The following WDR59 variants were observed in gnomAD, a reference collection of about 807,000 sequenced individuals.
WDR59 encodes the protein GATOR2 complex protein WDR59.
WDR59 carries 100 observed loss-of-function variants against 131.2 expected under a neutral mutation model. The observed-to-expected ratio is 0.76, with a 90% CI of 0.65 to 0.90. The LOEUF (loss-of-function observed/expected upper bound fraction) is 0.90. Ranked by LOEUF, WDR59 falls within the 40% of genes least tolerant of loss-of-function variation. The pLI is 0.00. For missense variants in WDR59, 1,203 were observed against 1,262.2 expected (o/e 0.95, Z 0.71); for synonymous variants, 601 against 466.2 (o/e 1.29, Z -3.72).
intron 1 of WDR59, among the ~76,000 whole-genome samples, chr16:74,966,833 C>T (rs77720284): frequency 0.015 from 2,336 of 152,274 alleles, 54 homozygotes; most frequent in African/African-American, 0.053. Flanking sequence ...ACTATCACAT[C>T]GTTTCAGGAG....
intron 1 of WDR59, among the ~76,000 whole-genome samples, chr16:74,983,055 A>C (rs756521452): frequency 7.9e-5 from 12 of 152,222 alleles, no homozygotes; most frequent in Non-Finnish European, 1.5e-4. Flanking sequence ...AATAAATGAA[A>C]AGAATGGCCA....
chr16:74,971,547 C>A (rs964357165), intron 1 of WDR59, among the ~76,000 whole-genome samples: 1 of 151,408 alleles, frequency 6.6e-6, no homozygotes, highest in Non-Finnish European at 1.5e-5. Context: ...ATTCTCCCGC[C>A]TCAGCCTCCT....
chr16:74,888,025 C>T (rs1027052101), intron 22 of WDR59, 144 bp downstream of exon 22: 12 of 1,096,536 alleles, frequency 1.1e-5, no homozygotes, highest in South Asian at 3.4e-5. Context: ...GGCTGAGGCA[C>T]GAGAATTGCT....
chr16:74,938,288 T>C lies in WDR59; in HGVS notation c.535-22A>G, dbSNP rs773503547. 4 of 1,430,886 alleles carry C rather than the reference T, an allele frequency of 2.8e-6. No homozygotes were observed. In the African/African-American group the frequency reaches 4.4e-5, roughly 16 times the overall value. The allele number at this position is 1,430,886 out of a possible 1,614,324, so 88.6% of individuals were successfully genotyped here. ...GTTTCTGCAACAGATCAGCACCTAA[T>C]ATTATCGATTTAGAAAGAACTCTTT... is the stretch of plus-strand genomic sequence containing the variant. On this transcript the variant is annotated intron_variant, in intron 7 of 25. Transcript: ENST00000262144.
chr16:74,953,918 C>G (rs1160098923), intron 3 of WDR59, among the ~76,000 whole-genome samples: 7 of 151,304 alleles, frequency 4.6e-5, no homozygotes, highest in Non-Finnish European at 1.0e-4. Flanking sequence ...AGGAGAATGG[C>G]GTGAACCCGG....
intron 3 of WDR59, among the ~76,000 whole-genome samples, chr16:74,953,696 C>G (rs1303140825): frequency 6.6e-6 from 1 of 151,892 alleles, no homozygotes; most frequent in South Asian, 2.1e-4. Context: ...GCAAACAACC[C>G]AATTCGAAAA....
intron 25 of WDR59, among the ~76,000 whole-genome samples, chr16:74,878,615 C>T (rs1964330373): frequency 6.6e-6 from 1 of 152,150 alleles, no homozygotes; most frequent in Non-Finnish European, 1.5e-5. Context: ...CTCTGCACTC[C>T]AGCCTGGGTG....
intron 13 of WDR59, among the ~76,000 whole-genome samples, chr16:74,913,194 A>G (rs568545192): frequency 1.3e-5 from 2 of 152,050 alleles, no homozygotes; most frequent in South Asian, 4.2e-4. Flanking sequence ...TCTGCAGACT[A>G]CACAAAGACA....
chr16:74,893,218 A>G (rs1965126348), intron 19 of WDR59, among the ~76,000 whole-genome samples: 1 of 152,210 alleles, frequency 6.6e-6, no homozygotes, highest in African/African-American at 2.4e-5. Context: ...TCACCTACAG[A>G]GAGACTATCC....
At chr16:74,881,242 A>C (rs5001475) in intron 25 of WDR59, among the ~76,000 whole-genome samples, 2,654 of 152,346 alleles carry the variant, frequency 0.017, 57 homozygotes, top group African/African-American at 0.057. Flanking sequence ...ATTTGCTATG[A>C]TGAAGTCTGT....
intron 18 of WDR59, 65 bp downstream of exon 18, chr16:74,903,882 A>C: frequency 1.3e-6 from 2 of 1,534,860 alleles, no homozygotes; most frequent in Non-Finnish European, 1.8e-6. Context: ...TGCGCCAGGC[A>C]GGAGATGAGG....
Position 74,874,340 on chromosome 16 carries a change from G to A in WDR59, c.2794C>T (p.Arg932Trp), listed in dbSNP as rs762127264. Residue 932 changes from arginine to tryptophan, a missense_variant, in exon 26 of 26, where the codon CGG becomes TGG. Transcript: ENST00000262144. Reference protein sequence around the residue: ...FQCAICHVAVRGSSNFCLTCG... With the variant: ...FQCAICHVAVWGSSNFCLTCG... ...GTCAGGCAGAAATTGGACGATCCCC[G>A]CACAGCCACGTGACAGATGGCACAC... 1.2e-5 allele frequency: 19 copies of A among 1,614,152 alleles called. No individual in the cohort carries two copies. The highest frequency in any genetic ancestry group is 3.3e-4 in the Middle Eastern group (2 of 6,062).
chr16:74,876,852 A>G (rs951296987), intron 25 of WDR59, among the ~76,000 whole-genome samples: 2 of 152,076 alleles, frequency 1.3e-5, no homozygotes, highest in Non-Finnish European at 2.9e-5. Context: ...AGGGCATACA[A>G]AGGGATGTGG....
chr16:74,887,254 T>A (rs969239224), intron 23 of WDR59, among the ~76,000 whole-genome samples: 8 of 152,050 alleles, frequency 5.3e-5, no homozygotes, highest in Non-Finnish European at 7.4e-5. Context: ...TTTTTTTTTT[T>A]AAATCCAGGA....
chr16:74,922,517 C>G (rs540267305), intron 9 of WDR59, among the ~76,000 whole-genome samples: 5 of 152,172 alleles, frequency 3.3e-5, no homozygotes, highest in African/African-American at 1.2e-4. Flanking sequence ...ATTCTTGCCA[C>G]GTGGAAATGC....
chr16:74,917,099 T>C (rs1242345998), intron 11 of WDR59, among the ~76,000 whole-genome samples: 1 of 152,088 alleles, frequency 6.6e-6, no homozygotes, highest in Non-Finnish European at 1.5e-5. Context: ...TCAAGAAATT[T>C]AGCCATCAAA....
chr16:74,964,937 G>A (rs1361071586), intron 2 of WDR59, among the ~76,000 whole-genome samples: 1 of 152,034 alleles, frequency 6.6e-6, no homozygotes, highest in Non-Finnish European at 1.5e-5. Flanking sequence ...GGTGGCACGT[G>A]CCTATAATCC....
intron 18 of WDR59, among the ~76,000 whole-genome samples, chr16:74,900,691 C>T (rs1370526259): frequency 1.3e-5 from 2 of 152,218 alleles, no homozygotes; most frequent in Admixed American, 6.5e-5. Context: ...CAAAGCTTGG[C>T]ATTCCATCTA....
At chr16:74,956,273 AG>A (rs2033284328) in intron 3 of WDR59, among the ~76,000 whole-genome samples, 1 of 152,188 alleles carries the variant, frequency 6.6e-6, no homozygotes, top group Non-Finnish European at 1.5e-5. Flanking sequence ...TAGTAATACA[AG>A]GCCTGACACC....
Sources: allele counts gnomAD v4.1 joint callset (sites outside exome capture counted in the v4.1 genomes callset), GRCh38; gene constraint gnomAD v4.1.1; transcripts MANE v1.5; gene names NCBI Gene and HGNC (gene_info 2026-07-23, HGNC 2026-07-21).